Variants in GMPS observed in about 807,000 individuals in gnomAD.
GMPS encodes GMP synthase [glutamine-hydrolyzing].
Under a neutral mutation model 77.9 loss-of-function variants are expected in GMPS, and 15 were observed. The ratio of observed to expected loss-of-function variants is 0.19; its 90% CI spans 0.13 to 0.30. The LOEUF is 0.30. GMPS is among the 10% of genes least tolerant of loss of function. The pLI is 1.00. For missense variants in GMPS, 590 were observed against 838.8 expected (o/e 0.70, Z 3.66); for synonymous variants, 224 against 275.9 (o/e 0.81, Z 1.86).
At chr3:155,928,075 G>A (rs1205535547) in intron 12 of GMPS, among the ~76,000 whole-genome samples, 1 of 124,880 alleles carries the variant, frequency 8.0e-6, no homozygotes, top group East Asian at 2.4e-4. Context: ...CACCCAGGCT[G>A]GAGCACAGTG....
In GMPS at chr3:155,943,018, G is replaced by A; in HGVS notation, c.*5326G>A. ...GGCCGAGGCGGGCGGATCTCTTGAG[G>A]TCAGGAGTTTGAGACCAGCGTGGCC... On this transcript the variant is annotated 3_prime_UTR_variant, in exon 16 of 16. Transcript: ENST00000496455. 5.6e-6 allele frequency: 1 copy of A among 178,882 alleles called. No individual in the cohort carries two copies. Among genetic ancestry groups the A allele is most frequent in the Non-Finnish European group, 1.2e-5 (1 of 83,484 alleles). The allele number at this position is 178,882 out of a possible 1,614,324, so 11.1% of individuals were successfully genotyped here.
chr3:155,901,644 C>T (rs552215414), intron 3 of GMPS, among the ~76,000 whole-genome samples: 6 of 151,552 alleles, frequency 4.0e-5, no homozygotes, highest in East Asian at 1.9e-4. Flanking sequence ...CAACCCTTGA[C>T]ATGATTAGAT....
chr3:155,892,272 G>C (rs1754489665), intron 1 of GMPS, among the ~76,000 whole-genome samples: 1 of 152,044 alleles, frequency 6.6e-6, no homozygotes, highest in Admixed American at 6.5e-5. Flanking sequence ...CATTGAAGTG[G>C]CATTATACTG....
At chr3:155,873,638 C>CTTTTTTTT (rs58365650) in intron 1 of GMPS, among the ~76,000 whole-genome samples, 1 of 82,576 alleles carries the variant, frequency 1.2e-5, no homozygotes, top group Non-Finnish European at 2.2e-5. Context: ...TGAGTAAGTT[C>CTTTTTTTT]TTTTTTTTTT....
At chr3:155,870,931 G>A (rs1162988847) in intron 1 of GMPS, 34 bp downstream of exon 1, 10 of 1,440,482 alleles carry the variant, frequency 6.9e-6, no homozygotes, top group Admixed American at 2.7e-5. Flanking sequence ...ACCGCATCCC[G>A]GCGGAGGCGA....
At chr3:155,877,820 CAG>C (rs1385776133) in intron 1 of GMPS, among the ~76,000 whole-genome samples, 2 of 133,108 alleles carry the variant, frequency 1.5e-5, no homozygotes, top group East Asian at 2.3e-4. Flanking sequence ...TTTTTTGAGA[CAG>C]AGTCTCGCTA....
At position 155,932,409 on chromosome 3, in the gene GMPS, G is replaced by A. The variant is rs572434431; in HGVS notation, c.1676+529G>A. ...GGAAAAAAATCAAAGAAAAGAAATA[G>A]GCATGTGCCAGATAGCATTAAAATA... On this transcript the variant is annotated intron_variant, in intron 13 of 15. Coordinates refer to ENST00000496455, the MANE Select transcript of GMPS (RefSeq NM_003875.3). Among the ~76,000 whole-genome samples the A allele has an allele frequency of 2.6e-5, 4 of 151,866 alleles. No homozygotes were observed. The South Asian group carries it at 6.2e-4, about 24-fold the overall frequency.
Position 155,939,265 on chromosome 3 carries a change from C to T in GMPS, c.*1573C>T. 4.6e-6 allele frequency: 1 copy of T among 218,270 alleles called. No individual in the cohort carries two copies. Among genetic ancestry groups the T allele is most frequent in the Non-Finnish European group, 9.2e-6 (1 of 108,644 alleles). The allele number at this position is 218,270 out of a possible 1,614,324, so 13.5% of individuals were successfully genotyped here. On this transcript the variant is annotated 3_prime_UTR_variant, in exon 16 of 16. Transcript: ENST00000496455. ...GGCTATGTTAGTGATCTGGTCTTTA[C>T]AGATTTAGAGTCATGTTATTTGAAA...
chr3:155,941,949 C>CA lies in GMPS; in HGVS notation c.*4258dup, dbSNP rs1405958775. 5.7e-5 allele frequency: 12 copies of CA among 210,904 alleles called. No homozygotes were observed. The highest frequency in any genetic ancestry group is 3.1e-3 in the Middle Eastern group (2 of 642). The allele number at this position is 210,904 out of a possible 1,614,324, so 13.1% of individuals were successfully genotyped here. On this transcript the variant is annotated 3_prime_UTR_variant, in exon 16 of 16. Transcript: ENST00000496455. ...ATGTACTGAAGAGGCCTCAGTGTCT[C>CA]ACTGAACTCTAACCTTTTTGTCAGT...
chr3:155,902,585 A>T (rs1754760134), intron 3 of GMPS, among the ~76,000 whole-genome samples: 2 of 152,368 alleles, frequency 1.3e-5, no homozygotes, highest in African/African-American at 4.8e-5. Context: ...AGAGCTAAAT[A>T]GTTGCTACAG....
intron 1 of GMPS, among the ~76,000 whole-genome samples, chr3:155,883,391 G>GA (rs1276139333): frequency 4.0e-5 from 6 of 151,436 alleles, no homozygotes; most frequent in Admixed American, 6.6e-5. Context: ...ATTTCTTAAG[G>GA]AAAAAAAATG....
At chr3:155,875,901 A>G (rs1754039982) in intron 1 of GMPS, among the ~76,000 whole-genome samples, 1 of 152,150 alleles carries the variant, frequency 6.6e-6, no homozygotes, top group African/African-American at 2.4e-5. Flanking sequence ...AAGTCTATAC[A>G]CTCATTAAGA....
Position 155,916,541 on chromosome 3 carries a change from T to G in GMPS, c.1212+349T>G, listed in dbSNP as rs533501537. Among the ~76,000 whole-genome samples, 4 of 152,370 alleles carry G rather than the reference T, an allele frequency of 2.6e-5. No individual in the cohort carries two copies. The East Asian group carries it at 7.7e-4, about 29-fold the overall frequency. ...AATATGTGGTCTTTTATGACTGGCT[T>G]CTTTTACTTACCGTAATGTTTTCAA... is the stretch of plus-strand genomic sequence containing the variant. On this transcript the variant is annotated intron_variant, in intron 9 of 15. Transcript: ENST00000496455.
intron 1 of GMPS, among the ~76,000 whole-genome samples, chr3:155,878,112 G>T (rs576740540): frequency 1.3e-5 from 2 of 152,104 alleles, no homozygotes; most frequent in African/African-American, 4.8e-5. Flanking sequence ...TCCTATCCGT[G>T]TGGGCTCTGC....
intron 11 of GMPS, among the ~76,000 whole-genome samples, chr3:155,924,981 G>C (rs1755413027): frequency 6.6e-6 from 1 of 152,292 alleles, no homozygotes; most frequent in African/African-American, 2.4e-5. Flanking sequence ...ACTCAGATAA[G>C]GTGCATCACT....
intron 11 of GMPS, among the ~76,000 whole-genome samples, chr3:155,924,836 AC>A (rs1262462362): frequency 1.3e-5 from 2 of 152,214 alleles, no homozygotes. Context: ...CATTACTAAT[AC>A]CTAGGGATAG....
intron 9 of GMPS, among the ~76,000 whole-genome samples, chr3:155,918,339 C>T (rs1014936137): frequency 6.6e-6 from 1 of 152,118 alleles, no homozygotes; most frequent in African/African-American, 2.4e-5. Context: ...GTAGTCCCAG[C>T]TACTCTGGAG....
chr3:155,891,204 G>A (rs1259090272), intron 1 of GMPS, among the ~76,000 whole-genome samples: 1 of 152,180 alleles, frequency 6.6e-6, no homozygotes, highest in Non-Finnish European at 1.5e-5. Flanking sequence ...TATAAACCAT[G>A]GTAATTGAAA....
Position 155,911,135 on chromosome 3 carries a change from G to T in GMPS, c.742G>T (p.Asp248Tyr). The part of the protein sequence containing the change: ...KVLVLLSGGV[D>Y]STVCTALLNR... ...GTAGGTTTTACTCAGTGGTGGAGTA[G>T]ACTCAACAGTTTGTACAGCTTTGCT... The change falls in exon 7 of 16, where the codon GAC becomes TAC. Residue 248 changes from aspartate (D) to tyrosine (Y), a missense_variant. Asp to Tyr is a radical substitution (Grantham distance 160). This residue lies in a region of GMPS where 181 missense variants were observed against 186.8 expected (regional missense o/e 0.97). Coordinates refer to ENST00000496455, the MANE Select transcript of GMPS (RefSeq NM_003875.3). The T allele has an allele frequency of 6.2e-7, 1 of 1,610,598 alleles. No individual in the cohort carries two copies. Among genetic ancestry groups the T allele is most frequent in the South Asian group, 1.1e-5 (1 of 90,266 alleles).
Sources: gnomAD v4.1 joint callset for allele counts (sites outside exome capture counted in the v4.1 genomes callset) on GRCh38, gnomAD v4.1.1 for gene constraint, gnomAD v4.1.1 regional missense constraint, MANE v1.5 for transcripts, NCBI Gene and HGNC (gene_info 2026-07-23, HGNC 2026-07-21) for gene names.